NRL: variants seen among roughly 807,000 people sequenced by gnomAD.
The protein encoded by NRL is neural retina leucine zipper, also known as neural retina-specific leucine zipper protein.
NRL carries 16 observed loss-of-function variants against 12.5 expected under a neutral mutation model. The observed-to-expected ratio is 1.28, with a 90% CI of 0.87 to 1.95. The LOEUF is 1.95. Ranked by LOEUF, NRL falls within the 30% of genes most tolerant of loss-of-function variation. The pLI is 0.00. For missense variants in NRL, 314 were observed against 325.8 expected (o/e 0.96, Z 0.28); for synonymous variants, 142 against 150.9 (o/e 0.94, Z 0.43).
intron 1 of NRL, among the ~76,000 whole-genome samples, chr14:24,109,463 A>G (rs1476546900): frequency 6.6e-6 from 1 of 152,112 alleles, no homozygotes; most frequent in Non-Finnish European, 1.5e-5. Context: ...TGGGAGGCCT[A>G]GGTGGTCAGA....
At chr14:24,106,425 T>C (rs2037339480) in intron 1 of NRL, among the ~76,000 whole-genome samples, 1 of 152,110 alleles carries the variant, frequency 6.6e-6, no homozygotes, top group Non-Finnish European at 1.5e-5. Context: ...AAGTTAGCAG[T>C]GGAGTATATT....
At chr14:24,095,319 CTG>C (rs2036820045) in intron 1 of NRL, 1 of 437,052 alleles carries the variant, frequency 2.3e-6, no homozygotes, top group Non-Finnish European at 4.6e-6. Flanking sequence ...GTCCTCAAGA[CTG>C]TGTGCTTGAA....
chr14:24,081,607 T>C lies in NRL; in HGVS notation c.382-39A>G. 1.9e-6 allele frequency: 3 copies of C among 1,556,980 alleles called. No homozygotes were observed. Among genetic ancestry groups the C allele is most frequent in the Non-Finnish European group, 2.6e-6 (3 of 1,151,836 alleles). On this transcript the variant is annotated intron_variant, in intron 2 of 2. Transcript: ENST00000561028. The surrounding 1 kb of genome is among the most constrained non-coding windows in gnomAD (Gnocchi z 4.4). ...ATGCAGAAACCGGGTCAGCGCCAGG[T>C]CGCACCCGGCTCTGCCCTGAGGGCC... is the stretch of plus-strand genomic sequence containing the variant.
Position 24,079,845 on chromosome 14 carries a change from A to T in NRL, c.*1391T>A, listed in dbSNP as rs747453516. Among the ~76,000 whole-genome samples, 2 of 152,152 alleles carry T rather than the reference A, an allele frequency of 1.3e-5. No individual in the cohort carries two copies. Among genetic ancestry groups the T allele is most frequent in the Non-Finnish European group, 2.9e-5 (2 of 68,024 alleles). On this transcript the variant is annotated 3_prime_UTR_variant, in exon 3 of 3. Coordinates refer to ENST00000561028, the MANE Select transcript of NRL (RefSeq NM_001354768.3). Reference sequence around the variant, plus strand: ...GCCTGCTGAACTGGAGGACTGGGTTACCATGGAAACTGTGAGACCTGGATA... The same window carrying T: ...GCCTGCTGAACTGGAGGACTGGGTTTCCATGGAAACTGTGAGACCTGGATA...
chr14:24,103,297 C>CACAGGAG, intron 1 of NRL: 1 of 1,488,428 alleles, frequency 6.7e-7, no homozygotes, highest in Non-Finnish European at 9.3e-7. Flanking sequence ...TGTGTGCACA[C>CACAGGAG]AGCACGTCCT....
chr14:24,083,023 C>T lies in NRL; in HGVS notation c.-27-148G>A, dbSNP rs2082355971. The T allele has an allele frequency of 8.1e-6, 6 of 739,318 alleles. No individual in the cohort carries two copies. In the South Asian group the frequency reaches 9.7e-5, roughly 12 times the overall value. 45.8% of individuals were successfully genotyped at this position (739,318 alleles called of 1,614,324 possible). A position where few individuals can be genotyped will look rare whatever the true frequency, so the allele number is the denominator to read the frequency against. On this transcript the variant is annotated intron_variant, in intron 1 of 2. Coordinates refer to ENST00000561028, the MANE Select transcript of NRL (RefSeq NM_001354768.3). The stretch of plus-strand genomic sequence containing the variant: ...GTGCAGCTCTGTTCACTGCAGAGTC[C>T]CCACCAGGCTGAAGAGTAACCTTTC...
intron 1 of NRL, among the ~76,000 whole-genome samples, chr14:24,109,554 C>T (rs1425593612): frequency 4.0e-5 from 6 of 151,882 alleles, no homozygotes; most frequent in South Asian, 2.1e-4. Flanking sequence ...AAAAATTAGC[C>T]GGGCATGGTG....
chr14:24,094,366 G>T lies in NRL; in HGVS notation c.-27-11491C>A. On this transcript the variant is annotated intron_variant, in intron 1 of 2. Transcript: ENST00000561028. This position sits in a 1 kb window ranked among gnomAD's most constrained non-coding sequence, Gnocchi z 4.1. ...CCGCCTTCCATACCTCCCCGGCTCCGCTCGGTTCCTGGCCACCCCGCAGCC... is the reference window on the plus strand; with the variant it reads ...CCGCCTTCCATACCTCCCCGGCTCCTCTCGGTTCCTGGCCACCCCGCAGCC... The T allele has an allele frequency of 6.5e-7, 1 of 1,528,298 alleles. No individual in the cohort carries two copies. The allele number at this position is 1,528,298 out of a possible 1,614,324, so 94.7% of individuals were successfully genotyped here.
At chr14:24,083,565 A>G (rs943034664) in intron 1 of NRL, among the ~76,000 whole-genome samples, 8 of 152,216 alleles carry the variant, frequency 5.3e-5, no homozygotes, top group Non-Finnish European at 8.8e-5. Flanking sequence ...GGAACAGACC[A>G]AGATTGATTT....
At chr14:24,102,718 C>T (rs1394582386) in intron 1 of NRL, 1 of 1,594,750 alleles carries the variant, frequency 6.3e-7, no homozygotes, top group Non-Finnish European at 8.6e-7. Flanking sequence ...TCGACATGAC[C>T]TTGGAAATAA....
intron 1 of NRL, chr14:24,095,399 C>T: frequency 2.7e-6 from 1 of 374,392 alleles, no homozygotes; most frequent in South Asian, 1.9e-5. Flanking sequence ...CCCTCCTCCC[C>T]TGCCCCTGGG....
At position 24,094,150 on chromosome 14, in the gene NRL, G is replaced by A. The variant is rs2036737890; in HGVS notation, c.-27-11275C>T. 1 of 544,932 alleles carries A rather than the reference G, an allele frequency of 1.8e-6. No individual in the cohort carries two copies. The allele number at this position is 544,932 out of a possible 1,614,324, so 33.8% of individuals were successfully genotyped here. ...GAGAGATGGGTTTGGCGGTTTGGAG[G>A]CAGGGGTTGGGGCGGCGGCTGGGCT... On this transcript the variant is annotated intron_variant, in intron 1 of 2. Coordinates refer to ENST00000561028, the MANE Select transcript of NRL (RefSeq NM_001354768.3). The surrounding 1 kb of genome is among the most constrained non-coding windows in gnomAD (Gnocchi z 4.1).
chr14:24,106,833 C>T (rs1212944675), intron 1 of NRL, among the ~76,000 whole-genome samples: 1 of 152,166 alleles, frequency 6.6e-6, no homozygotes, highest in Non-Finnish European at 1.5e-5. Flanking sequence ...TCAAAAGCAA[C>T]ATAGCACAGG....
intron 1 of NRL, chr14:24,098,259 T>C: frequency 1.2e-6 from 2 of 1,614,032 alleles, no homozygotes; most frequent in Non-Finnish European, 1.7e-6. Flanking sequence ...AAGACGGTGA[T>C]TGTAACTCCT....
At chr14:24,096,901 G>T in intron 1 of NRL, 1 of 1,612,896 alleles carries the variant, frequency 6.2e-7, no homozygotes, top group Non-Finnish European at 8.5e-7. Context: ...GGCTTAACTG[G>T]CATGGGCTGA....
At chr14:24,102,609 T>C (rs557357563) in intron 1 of NRL, 9 of 672,364 alleles carry the variant, frequency 1.3e-5, no homozygotes, top group Non-Finnish European at 2.0e-5. Context: ...GGCTCCCCTC[T>C]CTCTGCTCCT....
chr14:24,110,039 T>C (rs972743115), intron 1 of NRL, among the ~76,000 whole-genome samples: 3 of 152,212 alleles, frequency 2.0e-5, no homozygotes, highest in Non-Finnish European at 4.4e-5. Flanking sequence ...TAATCCTTTG[T>C]AGAAGCTACA....
rs568191064 is a variant in NRL at position 24,097,652 on chromosome 14, AT to A, written c.-27-14778del. On this transcript the variant is annotated intron_variant, in intron 1 of 2. Coordinates refer to ENST00000561028, the MANE Select transcript of NRL (RefSeq NM_001354768.3). Reference sequence around the variant, plus strand: ...ACCCAGGCTGGAGTGCAGTGGCATGATTTCAGCTCACAACAACCTCTGCCTC... The same window carrying A: ...ACCCAGGCTGGAGTGCAGTGGCATGATTCAGCTCACAACAACCTCTGCCTC... 2.2e-3 allele frequency among the ~76,000 whole-genome samples: 324 copies of A among 148,734 alleles called. 1 individual carries two copies. The highest frequency in any genetic ancestry group is 7.7e-3 in the African/African-American group (313 of 40,418).
intron 1 of NRL, chr14:24,102,919 G>A: frequency 6.2e-7 from 1 of 1,604,584 alleles, no homozygotes; most frequent in Non-Finnish European, 8.5e-7. Flanking sequence ...CCATGTTCTT[G>A]GCAAAAGGGC....
Sources: allele counts gnomAD v4.1 joint callset (sites outside exome capture counted in the v4.1 genomes callset), GRCh38; gene constraint gnomAD v4.1.1; non-coding constraint Gnocchi (gnomAD v3.1); transcripts MANE v1.5; gene names NCBI Gene and HGNC (gene_info 2026-07-23, HGNC 2026-07-21).